Variants in UBE2G1 observed in about 807,000 individuals in gnomAD.
The protein encoded by UBE2G1 is ubiquitin conjugating enzyme E2 G1.
UBE2G1 carries 5 observed loss-of-function variants against 22.7 expected under a neutral mutation model. That is an observed-to-expected ratio of 0.22 (90% CI 0.12 to 0.46). UBE2G1 has a LOEUF of 0.46. Among genes scored for constraint, UBE2G1 ranks in the 20% least tolerant of loss-of-function variants. The pLI, the probability that UBE2G1 is intolerant of heterozygous loss-of-function variation, is 0.99. For synonymous variants in UBE2G1, 74 were observed against 67.5 expected, an observed-to-expected ratio of 1.10 and a Z score of -0.47; for missense variants, 88 against 203.9, an observed-to-expected ratio of 0.43 and a Z score of 3.46.
In UBE2G1 at chr17:4,343,348, T is replaced by C. The variant is rs559311940; in HGVS notation, c.46+22923A>G. Among the ~76,000 whole-genome samples, 4 of 152,104 alleles carry C rather than the reference T, an allele frequency of 2.6e-5. No individual in the cohort carries two copies. The East Asian group carries it at 5.9e-4, about 22-fold the overall frequency. On this transcript the variant is annotated intron_variant, in intron 1 of 5. Transcript: ENST00000396981. ...AGCTCACGCCTGTAATCCCAGCACT[T>C]TGGGAGGCCCAGGTGGGTGGGTCAC...
At chr17:4,351,105 A>G (rs1177411312) in intron 1 of UBE2G1, among the ~76,000 whole-genome samples, 1 of 149,740 alleles carries the variant, frequency 6.7e-6, no homozygotes, top group Non-Finnish European at 1.5e-5. Flanking sequence ...ACTCTGAGAC[A>G]GGAGAATCAC....
chr17:4,280,336 C>CT lies in UBE2G1; in HGVS notation c.*37+2461dup, dbSNP rs71144178. On this transcript the variant is annotated intron_variant, in intron 5 of 5. Transcript: ENST00000396981. ...ACAAGTGTGAGCCGCGGCACCTGGGCTTTTTTTTTTTTTTTTTTTTTTTTT... is the reference window on the plus strand; with the variant it reads ...ACAAGTGTGAGCCGCGGCACCTGGGCTTTTTTTTTTTTTTTTTTTTTTTTTT... Among the ~76,000 whole-genome samples, 39 of 68,974 alleles carry CT rather than the reference C, an allele frequency of 5.7e-4. 6 individuals carry two copies. Among genetic ancestry groups the CT allele is most frequent in the African/African-American group, 2.4e-3 (37 of 15,212 alleles). 45.2% of individuals were successfully genotyped at this position (68,974 alleles called of 152,430 possible).
chr17:4,328,275 G>C (rs1161693111), intron 1 of UBE2G1, among the ~76,000 whole-genome samples: 4 of 138,982 alleles, frequency 2.9e-5, no homozygotes, highest in Non-Finnish European at 5.9e-5. Context: ...TAAACAAAAT[G>C]AGAAATGCTT....
intron 1 of UBE2G1, among the ~76,000 whole-genome samples, chr17:4,316,451 A>C (rs1969374672): frequency 1.3e-5 from 2 of 152,186 alleles, no homozygotes; most frequent in African/African-American, 4.8e-5. Flanking sequence ...AAACATAAAA[A>C]TGCCACAAAC....
At chr17:4,334,753 G>A (rs1969624529) in intron 1 of UBE2G1, among the ~76,000 whole-genome samples, 1 of 151,978 alleles carries the variant, frequency 6.6e-6, no homozygotes, top group African/African-American at 2.4e-5. Flanking sequence ...TGGCCAGGCT[G>A]GTCTCAAACT....
At chr17:4,279,775 CAAA>C (rs918390191) in intron 5 of UBE2G1, among the ~76,000 whole-genome samples, 4 of 88,990 alleles carry the variant, frequency 4.5e-5, no homozygotes, top group Non-Finnish European at 9.5e-5. Context: ...ACTCTGCCCC[CAAA>C]AAAAAGTTAT....
chr17:4,344,002 A>C lies in UBE2G1; in HGVS notation c.46+22269T>G, dbSNP rs1168900593. On this transcript the variant is annotated intron_variant, in intron 1 of 5. Coordinates refer to ENST00000396981, the MANE Select transcript of UBE2G1 (RefSeq NM_003342.5). Reference sequence around the variant, plus strand: ...GGGGATGTTTCTGGAAAAAAATAGCAATGACTATTAGCCAAAAGACAAAAA... The same window carrying C: ...GGGGATGTTTCTGGAAAAAAATAGCCATGACTATTAGCCAAAAGACAAAAA... 2.0e-5 allele frequency among the ~76,000 whole-genome samples: 3 copies of C among 152,208 alleles called. No homozygotes were observed. In the East Asian group the frequency reaches 5.8e-4, roughly 29 times the overall value.
intron 1 of UBE2G1, among the ~76,000 whole-genome samples, chr17:4,337,837 T>C (rs1969667045): frequency 6.6e-6 from 1 of 151,944 alleles, no homozygotes; most frequent in Non-Finnish European, 1.5e-5. Flanking sequence ...AATTCAAAGT[T>C]ACTCAAGTAA....
intron 1 of UBE2G1, 76 bp from the exon 2 acceptor site, chr17:4,307,199 G>A: frequency 2.4e-6 from 3 of 1,258,184 alleles, no homozygotes; most frequent in South Asian, 2.4e-5. Context: ...CAGAACTTGA[G>A]CGTACATGTT....
Position 4,319,242 on chromosome 17 carries a change from A to G in UBE2G1, c.47-12119T>C, listed in dbSNP as rs377275839. ...AGAAAAAACTGGTACAGAATAAACA[A>G]TAAAACATCTGTCAAATGAGGCACT... is the stretch of plus-strand genomic sequence containing the variant. On this transcript the variant is annotated intron_variant, in intron 1 of 5. Transcript: ENST00000396981. Among the ~76,000 whole-genome samples, 11 of 152,308 alleles carry G rather than the reference A, an allele frequency of 7.2e-5. No individual in the cohort carries two copies. The East Asian group carries it at 1.9e-3, about 27-fold the overall frequency.
intron 2 of UBE2G1, 135 bp downstream of exon 2, chr17:4,306,886 A>AGG: frequency 1.6e-6 from 1 of 625,598 alleles, no homozygotes; most frequent in Non-Finnish European, 2.7e-6. Flanking sequence ...TCCTGACCTC[A>AGG]TGATCGGCCC....
chr17:4,288,266 A>G (rs1858009397), intron 4 of UBE2G1, among the ~76,000 whole-genome samples: 1 of 152,128 alleles, frequency 6.6e-6, no homozygotes, highest in African/African-American at 2.4e-5. Context: ...TAGGTATGAC[A>G]ATCGCTTTTG....
At chr17:4,303,718 A>T (rs896629128) in intron 2 of UBE2G1, among the ~76,000 whole-genome samples, 3 of 152,228 alleles carry the variant, frequency 2.0e-5, no homozygotes, top group Admixed American at 2.0e-4. Context: ...ACTGGAAAAT[A>T]ATTTATAACT....
intron 1 of UBE2G1, among the ~76,000 whole-genome samples, chr17:4,319,072 T>A (rs1969407569): frequency 6.6e-6 from 1 of 152,206 alleles, no homozygotes; most frequent in Admixed American, 6.5e-5. Context: ...TAAATAGTTA[T>A]TTTTAAAGAG....
intron 1 of UBE2G1, among the ~76,000 whole-genome samples, chr17:4,335,013 A>C (rs1969628164): frequency 6.6e-6 from 1 of 152,194 alleles, no homozygotes; most frequent in Admixed American, 6.6e-5. Context: ...GATATCAAAC[A>C]AAATCTCAAG....
At chr17:4,303,317 T>G (rs1414551052) in intron 2 of UBE2G1, among the ~76,000 whole-genome samples, 1 of 152,150 alleles carries the variant, frequency 6.6e-6, no homozygotes, top group Non-Finnish European at 1.5e-5. Context: ...GTCTAATTAG[T>G]AACTACAAAG....
intron 5 of UBE2G1, among the ~76,000 whole-genome samples, chr17:4,279,429 G>A (rs11078493): frequency 0.55 from 83,482 of 152,000 alleles, 26,058 homozygotes; most frequent in East Asian, 0.8. Flanking sequence ...TCAGGGGAAA[G>A]TGGGGTGAGT....
intron 1 of UBE2G1, among the ~76,000 whole-genome samples, chr17:4,350,758 C>T (rs759842294): frequency 2.0e-5 from 3 of 152,008 alleles, no homozygotes; most frequent in African/African-American, 7.2e-5. Context: ...TGAGGCTGGA[C>T]GTGTTGGCTC....
intron 1 of UBE2G1, among the ~76,000 whole-genome samples, chr17:4,310,417 A>T (rs1187728200): frequency 6.6e-6 from 1 of 152,248 alleles, no homozygotes; most frequent in Non-Finnish European, 1.5e-5. Context: ...GCTTCTAAAA[A>T]GAAAAGAAAT....
Sources: gnomAD v4.1 joint callset for allele counts (sites outside exome capture counted in the v4.1 genomes callset) on GRCh38, gnomAD v4.1.1 for gene constraint, MANE v1.5 for transcripts, NCBI Gene and HGNC (gene_info 2026-07-23, HGNC 2026-07-21) for gene names.